PRRC2C: variants seen among roughly 807,000 people sequenced by gnomAD.
PRRC2C encodes protein PRRC2C.
In PRRC2C, 72 loss-of-function variants were observed where a neutral mutation model predicts 317.2. That is an observed-to-expected ratio of 0.23 (90% CI 0.19 to 0.28). PRRC2C has a LOEUF of 0.28. PRRC2C is among the 10% of genes least tolerant of loss of function. The probability of loss-of-function intolerance (pLI) is 1.00; values close to 1 mark genes in which losing one functional copy is unlikely to be tolerated. For missense variants in PRRC2C, 3,074 were observed against 3,459.7 expected (o/e 0.89, Z 2.80); for synonymous variants, 1,296 against 1,205.9 (o/e 1.07, Z -1.55).
chr1:171,591,655 G>A lies in PRRC2C; in HGVS notation c.8505G>A (p.Gln2835=). The A allele has an allele frequency of 4.3e-6, 7 of 1,613,996 alleles. No homozygotes were observed. The highest frequency in any genetic ancestry group is 5.9e-6 in the Non-Finnish European group (7 of 1,179,882). Residue 2835 remains glutamine (Q), a synonymous_variant, in exon 35 of 35, where the codon CAG becomes CAA. Coordinates refer to ENST00000647382, the MANE Select transcript of PRRC2C (RefSeq NM_001387844.1). ...RFFSEQQQSK[Q]IGGGKAQKVD... ...TCTCTGAACAGCAACAGAGCAAACA[G>A]ATAGGAGGAGGCAAAGCCCAGAAAG... is the stretch of plus-strand genomic sequence containing the variant.
rs1651525374 is a variant in PRRC2C at position 171,591,886 on chromosome 1, G to GGCCCCCC, written c.*39_*40insGCCCCCC. On this transcript the variant is annotated 3_prime_UTR_variant, in exon 35 of 35. Transcript: ENST00000647382. ...TTGCAGGGGATTGGGAGGGGGGCGG[G>GGCCCCCC]AAAACATGGAGAATTAAGTCAGATA... is the stretch of plus-strand genomic sequence containing the variant. The GGCCCCCC allele has an allele frequency of 1.3e-5, 6 of 475,588 alleles. No homozygotes were observed. The highest frequency in any genetic ancestry group is 3.0e-5 in the Admixed American group (1 of 33,064). 29.5% of individuals were successfully genotyped at this position (475,588 alleles called of 1,614,324 possible). A position where few individuals can be genotyped will look rare whatever the true frequency, so the allele number is the denominator to read the frequency against.
In PRRC2C at chr1:171,577,619, G is replaced by C; in HGVS notation, c.7141G>C (p.Val2381Leu). Reference sequence around the variant, plus strand: ...GCAGCAACAGAATCCGCAAGTTTATGTGTCTCAGTCTGCAGCAGGTAATGT... The same window carrying C: ...GCAGCAACAGAATCCGCAAGTTTATCTGTCTCAGTCTGCAGCAGGTAATGT... The part of the protein sequence containing the change: ...AQQQQNPQVY[V>L]SQSAAAQIPA... The change falls in exon 26 of 35, where the codon GTG (valine) becomes CTG (leucine). Residue 2381 changes from valine (V) to leucine (L), a missense_variant. Transcript: ENST00000647382. The C allele has an allele frequency of 2.5e-6, 4 of 1,613,100 alleles. No individual in the cohort carries two copies. The South Asian group carries it at 4.4e-5, about 18-fold the overall frequency.
intron 18 of PRRC2C, 63 bp downstream of exon 18, chr1:171,550,303 A>G (rs747938858): frequency 8.7e-5 from 123 of 1,416,798 alleles, no homozygotes; most frequent in Non-Finnish European, 1.0e-4. Flanking sequence ...TGTATCAGCA[A>G]ATGTTCAAGG....
intron 18 of PRRC2C, among the ~76,000 whole-genome samples, chr1:171,556,368 C>T (rs1681410077): frequency 6.6e-6 from 1 of 152,226 alleles, no homozygotes; most frequent in Non-Finnish European, 1.5e-5. Flanking sequence ...CCCCCCACCC[C>T]TTGTGCTTCC....
At chr1:171,524,580 CT>C (rs2102359473) in intron 9 of PRRC2C, among the ~76,000 whole-genome samples, 1 of 152,158 alleles carries the variant, frequency 6.6e-6, no homozygotes, top group South Asian at 2.1e-4. Context: ...TGATTATATT[CT>C]TTTGCCAGGA....
At chr1:171,577,771 ATTTTTTTTTT>A (rs1553245738) in intron 26 of PRRC2C, 134 bp downstream of exon 26, 9 of 299,984 alleles carry the variant, frequency 3.0e-5, no homozygotes, top group Non-Finnish European at 3.7e-5. Flanking sequence ...TTAAATTCGC[ATTTTTTTTTT>A]TTTTTTTTTT....
intron 1 of PRRC2C, among the ~76,000 whole-genome samples, chr1:171,489,377 A>G (rs1385002689): frequency 6.6e-6 from 1 of 152,222 alleles, no homozygotes; most frequent in Non-Finnish European, 1.5e-5. Flanking sequence ...AATCAGAGCA[A>G]TATGGCATTT....
chr1:171,496,773 G>A (rs1668174543), intron 1 of PRRC2C, among the ~76,000 whole-genome samples: 1 of 88,946 alleles, frequency 1.1e-5, no homozygotes, highest in Non-Finnish European at 2.4e-5. Context: ...TACATTTGGG[G>A]CGTGTGTGTG....
chr1:171,505,761 G>A (rs1670060566), intron 1 of PRRC2C, among the ~76,000 whole-genome samples: 1 of 152,078 alleles, frequency 6.6e-6, no homozygotes, highest in Non-Finnish European at 1.5e-5. Context: ...GGAATGGGTT[G>A]ATTTTTGTCA....
intron 17 of PRRC2C, 104 bp from the exon 18 acceptor site, chr1:171,549,982 T>C (rs1237136428): frequency 1.1e-6 from 1 of 872,408 alleles, no homozygotes; most frequent in African/African-American, 2.3e-5. Flanking sequence ...AACTAGGCCT[T>C]TGGCTAGTTT....
intron 34 of PRRC2C, among the ~76,000 whole-genome samples, chr1:171,590,207 C>CGA (rs1364843588): frequency 1.3e-5 from 2 of 152,108 alleles, no homozygotes; most frequent in African/African-American, 2.4e-5. Context: ...TTGTATTCCA[C>CGA]AGTGGATTGT....
intron 1 of PRRC2C, among the ~76,000 whole-genome samples, chr1:171,505,807 A>G (rs912750609): frequency 6.6e-6 from 1 of 152,226 alleles, no homozygotes; most frequent in African/African-American, 2.4e-5. Flanking sequence ...GCACTGCATA[A>G]CGATGTTTCA....
At chr1:171,545,445 G>A (rs1229806962) in intron 16 of PRRC2C, 34 bp from the exon 17 acceptor site, 2 of 1,528,566 alleles carry the variant, frequency 1.3e-6, no homozygotes, top group African/African-American at 1.4e-5. Flanking sequence ...TTGGGTAGGT[G>A]GAAATAGTAA....
chr1:171,580,022 C>T, intron 28 of PRRC2C, 58 bp downstream of exon 28: 2 of 1,364,670 alleles, frequency 1.5e-6, no homozygotes, highest in Non-Finnish European at 1.9e-6. Context: ...ACTGCTGATC[C>T]TCCTTGCCGT....
chr1:171,583,458 C>T (rs959034129), intron 28 of PRRC2C, among the ~76,000 whole-genome samples: 1 of 152,132 alleles, frequency 6.6e-6, no homozygotes, highest in Non-Finnish European at 1.5e-5. Flanking sequence ...GGCAGTAACA[C>T]ATACAGAGCT....
intron 32 of PRRC2C, 106 bp from the exon 33 acceptor site, chr1:171,588,273 A>G (rs941050823): frequency 3.1e-5 from 40 of 1,274,160 alleles, no homozygotes; most frequent in Non-Finnish European, 4.2e-5. Context: ...GTAAATTTTT[A>G]CCAACTACCA....
intron 1 of PRRC2C, among the ~76,000 whole-genome samples, chr1:171,503,634 G>A (rs1320450070): frequency 6.6e-6 from 1 of 151,936 alleles, no homozygotes; most frequent in African/African-American, 2.4e-5. Flanking sequence ...TATAATTTTA[G>A]CAATTGTATT....
chr1:171,550,842 C>T (rs1256390072), intron 18 of PRRC2C, among the ~76,000 whole-genome samples: 2 of 152,158 alleles, frequency 1.3e-5, no homozygotes, highest in Admixed American at 6.5e-5. Context: ...GTATATGTGC[C>T]ACATTTTCTT....
rs201752804 is a variant in PRRC2C at position 171,540,234 on chromosome 1, G to C, written c.2768G>C (p.Arg923Pro). 2 of 1,613,654 alleles carry C rather than the reference G, an allele frequency of 1.2e-6. No individual in the cohort carries two copies. Among genetic ancestry groups the C allele is most frequent in the Admixed American group, 1.7e-5 (1 of 59,986 alleles). Residue 923 changes from arginine (R) to proline (P), a missense_variant, in exon 16 of 35, where the codon CGG (arginine) becomes CCG (proline). Coordinates refer to ENST00000647382, the MANE Select transcript of PRRC2C (RefSeq NM_001387844.1). ...TCAGCTGTAGAAAGTCAGCCTTCCC[G>C]GAAAAGAAGTGTTTCCCATGGATCT... ...RISAVESQPS[R>P]KRSVSHGSNH...
Sources: allele counts gnomAD v4.1 joint callset (sites outside exome capture counted in the v4.1 genomes callset), GRCh38; gene constraint gnomAD v4.1.1; transcripts MANE v1.5; gene names NCBI Gene and HGNC (gene_info 2026-07-23, HGNC 2026-07-21).